The following PGCKA1 variants were observed in gnomAD, a reference collection of about 807,000 sequenced individuals.
PGCKA1 encodes the protein PDCD10 and GCKIII kinases-associated protein 1.
chr4:37,566,650 C>T, the PGCKA1 span, among the ~76,000 whole-genome samples: 12 of 152,286 alleles, frequency 7.9e-5, no homozygotes, highest in African/African-American at 2.9e-4. Flanking sequence ...ATGGCACAAT[C>T]TTGGCTCACT....
chr4:37,463,101 A>G, the PGCKA1 span, among the ~76,000 whole-genome samples: 6 of 152,064 alleles, frequency 3.9e-5, no homozygotes, highest in African/African-American at 1.4e-4. Flanking sequence ...AGGATCTCCC[A>G]TAAGTTGGAG....
At chr4:37,590,979 A>G in the PGCKA1 span, 3 of 1,612,550 alleles carry the variant, frequency 1.9e-6, no homozygotes, top group Admixed American at 1.7e-5. Context: ...CTGCAGGAGA[A>G]GATTTGGATG....
At chr4:37,567,868 A>G in the PGCKA1 span, among the ~76,000 whole-genome samples, 2 of 152,186 alleles carry the variant, frequency 1.3e-5, no homozygotes, top group African/African-American at 4.8e-5. Flanking sequence ...ATGGGGGGAA[A>G]AAATAGTATC....
the PGCKA1 span, among the ~76,000 whole-genome samples, chr4:37,519,147 T>C: frequency 1.3e-5 from 2 of 152,168 alleles, no homozygotes; most frequent in Admixed American, 6.6e-5. Flanking sequence ...TTTATGCCAG[T>C]GTCATGTTTT....
the PGCKA1 span, among the ~76,000 whole-genome samples, chr4:37,525,103 G>A: frequency 6.6e-6 from 1 of 152,220 alleles, no homozygotes; most frequent in Non-Finnish European, 1.5e-5. Flanking sequence ...ACGTGTGTAT[G>A]TTTCCTCTGG....
the PGCKA1 span, among the ~76,000 whole-genome samples, chr4:37,519,240 G>A: frequency 7.9e-5 from 12 of 151,452 alleles, no homozygotes; most frequent in South Asian, 6.3e-4. Flanking sequence ...GATAGCTCTC[G>A]CTATTCTGGG....
chr4:37,592,024 T>C, the PGCKA1 span, among the ~76,000 whole-genome samples: 2 of 151,812 alleles, frequency 1.3e-5, no homozygotes, highest in African/African-American at 2.4e-5. Flanking sequence ...CTGGCCAACA[T>C]AGTGAAACCC....
the PGCKA1 span, among the ~76,000 whole-genome samples, chr4:37,472,177 C>T: frequency 4.6e-5 from 7 of 152,174 alleles, no homozygotes; most frequent in African/African-American, 1.4e-4. Context: ...TAGGCTTGAG[C>T]GACTTCAGCC....
At chr4:37,473,015 T>A in the PGCKA1 span, among the ~76,000 whole-genome samples, 5 of 152,212 alleles carry the variant, frequency 3.3e-5, no homozygotes, top group East Asian at 5.8e-4. Flanking sequence ...GAGAATTAGA[T>A]AACAAGTAAT....
the PGCKA1 span, among the ~76,000 whole-genome samples, chr4:37,508,243 A>G: frequency 6.6e-6 from 1 of 152,098 alleles, no homozygotes; most frequent in Non-Finnish European, 1.5e-5. Flanking sequence ...ACACTTGGAT[A>G]TTGATAAGTA....
At chr4:37,547,697 C>T in the PGCKA1 span, among the ~76,000 whole-genome samples, 8 of 152,214 alleles carry the variant, frequency 5.3e-5, no homozygotes, top group Middle Eastern at 6.8e-3. Flanking sequence ...TTTAGACCCC[C>T]TTCCCCACCC....
the PGCKA1 span, among the ~76,000 whole-genome samples, chr4:37,495,772 G>A: frequency 6.6e-6 from 1 of 152,010 alleles, no homozygotes; most frequent in Non-Finnish European, 1.5e-5. Context: ...GGGTTGATGG[G>A]TGCAGCAAAC....
chr4:37,567,857 G>C, the PGCKA1 span, among the ~76,000 whole-genome samples: 1 of 152,104 alleles, frequency 6.6e-6, no homozygotes, highest in Admixed American at 6.5e-5. Context: ...CTAATTACTA[G>C]ATGGGGGGAA....
At chr4:37,547,757 A>G in the PGCKA1 span, among the ~76,000 whole-genome samples, 1 of 152,218 alleles carries the variant, frequency 6.6e-6, no homozygotes. Context: ...AGGCAAGGAA[A>G]GACCAGCAGG....
At chr4:37,545,919 A>T in the PGCKA1 span, among the ~76,000 whole-genome samples, 3 of 152,232 alleles carry the variant, frequency 2.0e-5, no homozygotes, top group Non-Finnish European at 4.4e-5. Context: ...CTTAAAATAT[A>T]GTACATATTT....
the PGCKA1 span, chr4:37,590,407 G>A: frequency 1.2e-6 from 2 of 1,613,648 alleles, no homozygotes; most frequent in Non-Finnish European, 1.7e-6. Context: ...CCCCACCCAG[G>A]ATGACAGGGG....
the PGCKA1 span, among the ~76,000 whole-genome samples, chr4:37,472,873 ACTAT>A: frequency 6.6e-6 from 1 of 152,168 alleles, no homozygotes; most frequent in African/African-American, 2.4e-5. Context: ...TATGTTCTAT[ACTAT>A]CTATGAGTTA....
chr4:37,489,339 T>G, the PGCKA1 span, among the ~76,000 whole-genome samples: 1 of 152,166 alleles, frequency 6.6e-6, no homozygotes, highest in Non-Finnish European at 1.5e-5. Context: ...GGTCTCATTT[T>G]GGGGGAAGGA....
chr4:37,574,151 A>G, the PGCKA1 span, among the ~76,000 whole-genome samples: 1 of 151,878 alleles, frequency 6.6e-6, no homozygotes, highest in African/African-American at 2.4e-5. Context: ...TCATGCCACT[A>G]TACTCCAGCC....
Sources: gnomAD v4.1 joint callset for allele counts (sites outside exome capture counted in the v4.1 genomes callset) on GRCh38, gnomAD v4.1.1 for gene constraint, MANE v1.5 for transcripts, NCBI Gene and HGNC (gene_info 2026-07-23, HGNC 2026-07-21) for gene names.